The following SLC12A7 variants were observed in gnomAD, a reference collection of about 807,000 sequenced individuals.
The protein encoded by SLC12A7 is K-Cl cotransporter 4.
A neutral mutation model predicts 120.6 loss-of-function variants in SLC12A7; 100 were observed. The observed-to-expected ratio is 0.83, with a 90% CI of 0.71 to 0.98. The LOEUF is 0.98. Among genes scored for constraint, SLC12A7 ranks in the 50% least tolerant of loss-of-function variants. The pLI is 0.00. For synonymous variants in SLC12A7, 760 were observed against 678.0 expected (o/e 1.12, Z -1.88); for missense variants, 1,373 against 1,548.1 (o/e 0.89, Z 1.90).
At chr5:1,067,199 A>G (rs536125021) in intron 17 of SLC12A7, among the ~76,000 whole-genome samples, 3 of 152,278 alleles carry the variant, frequency 2.0e-5, no homozygotes, top group Non-Finnish European at 4.4e-5. Flanking sequence ...GCCAGCAGAT[A>G]TGCTCCTCTT....
chr5:1,099,864 C>T (rs1262514196), intron 1 of SLC12A7, among the ~76,000 whole-genome samples: 2 of 152,252 alleles, frequency 1.3e-5, no homozygotes, highest in East Asian at 1.9e-4. Context: ...ACCACGGTCC[C>T]CTCCGGCGGG....
At chr5:1,095,041 G>GGTAGGAGGCGGGGGCA (rs1740976927) in intron 1 of SLC12A7, among the ~76,000 whole-genome samples, 1 of 144,802 alleles carries the variant, frequency 6.9e-6, no homozygotes, top group Non-Finnish European at 1.5e-5. Flanking sequence ...GCGGGGGGCC[G>GGTAGGAGGCGGGGGCA]GTAGGAGGCG....
intron 10 of SLC12A7, 142 bp downstream of exon 10, chr5:1,079,256 G>A (rs1410376486): frequency 6.0e-6 from 4 of 661,816 alleles, no homozygotes; most frequent in African/African-American, 5.4e-5. Context: ...CCGTCTCCCA[G>A]GGAGGATGAC....
intron 8 of SLC12A7, among the ~76,000 whole-genome samples, chr5:1,082,647 C>T (rs1171912962): frequency 7.3e-6 from 1 of 136,512 alleles, no homozygotes; most frequent in East Asian, 2.4e-4. Context: ...GCTTCCCCGT[C>T]TCGGGTTCTG....
chr5:1,094,398 C>T, intron 1 of SLC12A7, 150 bp from the exon 2 acceptor site: 2 of 659,886 alleles, frequency 3.0e-6, no homozygotes, highest in Non-Finnish European at 5.5e-6. Context: ...ACACACTCTC[C>T]TTCCTTCCAC....
Position 1,091,000 on chromosome 5 carries a change from G to A in SLC12A7, c.343-1872C>T, listed in dbSNP as rs115712639. Among the ~76,000 whole-genome samples the A allele has an allele frequency of 1.0e-2, 1,516 of 152,280 alleles. 21 individuals are homozygous for A. The highest frequency in any genetic ancestry group is 0.034 in the African/African-American group (1,420 of 41,550). Reference sequence around the variant, plus strand: ...CCTTCCACCCCAGGGGCCGAGCCACGGTCCCCTAAGGGAGCCGAAGGAGTC... The same window carrying A: ...CCTTCCACCCCAGGGGCCGAGCCACAGTCCCCTAAGGGAGCCGAAGGAGTC... On this transcript the variant is annotated intron_variant, in intron 3 of 23. Coordinates refer to ENST00000264930, the MANE Select transcript of SLC12A7 (RefSeq NM_006598.3).
At chr5:1,125,440 A>G in the SLC12A7 span, among the ~76,000 whole-genome samples, 2 of 152,174 alleles carry the variant, frequency 1.3e-5, no homozygotes, top group Non-Finnish European at 2.9e-5. Flanking sequence ...ATTTTCATTG[A>G]ATCTGCAGGC....
chr5:1,062,270 A>C (rs1453102257), intron 20 of SLC12A7, among the ~76,000 whole-genome samples: 2 of 152,228 alleles, frequency 1.3e-5, no homozygotes, highest in Admixed American at 6.5e-5. Flanking sequence ...TCTCCCAGGC[A>C]GCATTTTGTT....
chr5:1,110,603 G>A (rs1470697735), intron 1 of SLC12A7, among the ~76,000 whole-genome samples: 3 of 152,260 alleles, frequency 2.0e-5, no homozygotes, highest in Admixed American at 1.3e-4. Flanking sequence ...GCGTTCCGGG[G>A]GCGTTGCTAC....
the SLC12A7 span, among the ~76,000 whole-genome samples, chr5:1,128,029 T>C: frequency 6.6e-6 from 1 of 152,176 alleles, no homozygotes; most frequent in Admixed American, 6.5e-5. Context: ...GCGTGATCTC[T>C]GGTTATTCCA....
the SLC12A7 span, among the ~76,000 whole-genome samples, chr5:1,148,000 G>A: frequency 1.6e-4 from 25 of 151,992 alleles, no homozygotes; most frequent in African/African-American, 5.8e-4. Context: ...CTCCCAAAGA[G>A]CTGGGATTAT....
chr5:1,057,499 C>A lies in SLC12A7; in HGVS notation c.2998G>T (p.Gly1000Cys). ...KYRSRDTSLS[G>C]FKDLFSMKPD... is the part of the protein sequence containing the mutation. The stretch of plus-strand genomic sequence containing the variant: ...TTCATGCTGAAGAGGTCTTTGAAAC[C>A]AGATAGGCTGGTGTCTCTGCTCCTG... The change falls in exon 22 of 24, where the codon GGT (glycine) becomes TGT (cysteine). Residue 1000 changes from glycine to cysteine, a missense_variant. Coordinates refer to ENST00000264930, the MANE Select transcript of SLC12A7 (RefSeq NM_006598.3). 2 of 1,612,896 alleles carry A rather than the reference C, an allele frequency of 1.2e-6. No individual in the cohort carries two copies. The highest frequency in any genetic ancestry group is 1.7e-6 in the Non-Finnish European group (2 of 1,179,806).
upstream of SLC12A7, among the ~76,000 whole-genome samples, chr5:1,115,520 C>T (rs1158747169): frequency 6.6e-6 from 1 of 152,194 alleles, no homozygotes; most frequent in Admixed American, 6.5e-5. Flanking sequence ...GTGGGGGGCT[C>T]ATCTCCTGGT....
chr5:1,062,646 T>C (rs11954989), intron 20 of SLC12A7, among the ~76,000 whole-genome samples: 8,765 of 140,404 alleles, frequency 0.062, 318 homozygotes, highest in African/African-American at 0.11. Flanking sequence ...CAGGAGCAGG[T>C]GCTCGGGGCC....
upstream of SLC12A7, among the ~76,000 whole-genome samples, chr5:1,112,309 TGCCCCTCCTGCTGG>T: frequency 7.5e-5 from 1 of 13,292 alleles, no homozygotes; most frequent in South Asian, 1.9e-3. Context: ...TCCAGCCCCC[TGCCCCTCCTGCTGG>T]AACTCCCCGC....
At chr5:1,084,677 A>G (rs1009417593) in intron 7 of SLC12A7, among the ~76,000 whole-genome samples, 3 of 151,994 alleles carry the variant, frequency 2.0e-5, no homozygotes, top group Non-Finnish European at 4.4e-5. Flanking sequence ...TGAGGCCTCT[A>G]TGAGGCTGTT....
At chr5:1,055,656 G>A (rs1203770494) in intron 22 of SLC12A7, among the ~76,000 whole-genome samples, 1 of 152,242 alleles carries the variant, frequency 6.6e-6, no homozygotes, top group Non-Finnish European at 1.5e-5. Context: ...CGACCAAGGG[G>A]AGGCAAGCCC....
At chr5:1,154,363 AC>A in the SLC12A7 span, among the ~76,000 whole-genome samples, 1 of 151,276 alleles carries the variant, frequency 6.6e-6, no homozygotes, top group African/African-American at 2.4e-5. Context: ...CAACACACAC[AC>A]ACACACACAC....
intron 1 of SLC12A7, among the ~76,000 whole-genome samples, chr5:1,105,941 C>T (rs1298368946): frequency 2.6e-5 from 4 of 152,220 alleles, no homozygotes; most frequent in Non-Finnish European, 4.4e-5. Flanking sequence ...AGGTCTACCC[C>T]TCAAGGCCCT....
Sources: allele counts gnomAD v4.1 joint callset (sites outside exome capture counted in the v4.1 genomes callset), GRCh38; gene constraint gnomAD v4.1.1; transcripts MANE v1.5; gene names NCBI Gene and HGNC (gene_info 2026-07-23, HGNC 2026-07-21).